Variants in TENM4 observed in about 807,000 individuals in gnomAD.
TENM4 encodes the protein teneurin transmembrane protein 4.
Under a neutral mutation model 243.3 loss-of-function variants are expected in TENM4, and 82 were observed. The ratio of observed to expected loss-of-function variants is 0.34; its 90% CI spans 0.28 to 0.40. The LOEUF (loss-of-function observed/expected upper bound fraction) is 0.40, where lower values mean the gene tolerates loss of function less well. Ranked by LOEUF, TENM4 falls within the 10% of genes least tolerant of loss-of-function variation. The probability of loss-of-function intolerance (pLI) is 1.00; values close to 1 mark genes in which losing one functional copy is unlikely to be tolerated. For missense variants in TENM4, 3,138 were observed against 3,673.3 expected (o/e 0.85, Z 3.77); for synonymous variants, 1,412 against 1,456.3 (o/e 0.97, Z 0.69).
chr11:78,966,468 T>G (rs1365493567), intron 6 of TENM4, among the ~76,000 whole-genome samples: 1 of 151,970 alleles, frequency 6.6e-6, no homozygotes, highest in Admixed American at 6.6e-5. Flanking sequence ...AAACACTCAG[T>G]GATTGGGCTA....
intron 4 of TENM4, among the ~76,000 whole-genome samples, chr11:79,103,543 A>T (rs1861285884): frequency 6.6e-6 from 1 of 152,164 alleles, no homozygotes; most frequent in South Asian, 2.1e-4. Flanking sequence ...TCACTCGCAT[A>T]CATTACTGCA....
intron 3 of TENM4, among the ~76,000 whole-genome samples, chr11:79,196,045 T>C (rs770137979): frequency 6.6e-6 from 1 of 152,142 alleles, no homozygotes; most frequent in Non-Finnish European, 1.5e-5. Flanking sequence ...GGGTTTCCAT[T>C]TTTGCTTCTT....
chr11:78,883,900 C>T (rs1054836437), intron 9 of TENM4, among the ~76,000 whole-genome samples: 7 of 152,246 alleles, frequency 4.6e-5, no homozygotes, highest in African/African-American at 7.2e-5. Context: ...GTTCTGTCAG[C>T]TGCCCTTGTG....
chr11:78,674,519 T>TG (rs1858415129), intron 30 of TENM4, among the ~76,000 whole-genome samples: 2 of 152,346 alleles, frequency 1.3e-5, no homozygotes, highest in South Asian at 4.1e-4. Context: ...CTAGGTGCGT[T>TG]GATTGTATCA....
intron 3 of TENM4, among the ~76,000 whole-genome samples, chr11:79,210,299 G>A (rs960063025): frequency 5.3e-5 from 8 of 152,120 alleles, no homozygotes; most frequent in Non-Finnish European, 7.3e-5. Context: ...CATCTTAATC[G>A]TCATGTCTTC....
At chr11:79,037,488 A>T (rs1268525565) in intron 6 of TENM4, among the ~76,000 whole-genome samples, 1 of 152,240 alleles carries the variant, frequency 6.6e-6, no homozygotes, top group African/African-American at 2.4e-5. Context: ...TTAGTGATCA[A>T]ATAATGAGAG....
chr11:78,912,657 C>A (rs550495194), intron 6 of TENM4, among the ~76,000 whole-genome samples: 2 of 152,210 alleles, frequency 1.3e-5, no homozygotes, highest in Non-Finnish European at 2.9e-5. Context: ...AGTGAATGTT[C>A]TCTAGGATAG....
At chr11:78,778,564 A>G in intron 17 of TENM4, 38 bp downstream of exon 17, 1 of 1,603,818 alleles carries the variant, frequency 6.2e-7, no homozygotes, top group Non-Finnish European at 8.5e-7. Flanking sequence ...AAACACACAC[A>G]CAAAGACAAC....
At chr11:78,937,119 C>G (rs1011887933) in intron 6 of TENM4, among the ~76,000 whole-genome samples, 2 of 152,042 alleles carry the variant, frequency 1.3e-5, no homozygotes, top group African/African-American at 4.8e-5. Context: ...TGTTAACAAA[C>G]CCACAGAAGA....
In TENM4 at chr11:78,829,165, G is replaced by A. The variant is rs542464043; in HGVS notation, c.1682-14770C>T. ...CTACTTGTCCACTGGGCTGGTGTGT[G>A]AGTGTGACCCACGTGTGGCCAGCAG... On this transcript the variant is annotated intron_variant, in intron 12 of 33. Transcript: ENST00000278550. 2.6e-5 allele frequency among the ~76,000 whole-genome samples: 4 copies of A among 152,242 alleles called. No individual in the cohort carries two copies. In the South Asian group the frequency reaches 6.2e-4, roughly 24 times the overall value.
At chr11:78,843,413 G>A in intron 12 of TENM4, among the ~76,000 whole-genome samples, 1 of 152,112 alleles carries the variant, frequency 6.6e-6, no homozygotes, top group East Asian at 1.9e-4. Flanking sequence ...CTTGAGTCCA[G>A]GAGTTCAAAG....
rs1223531465 is a variant in TENM4, at chr11:79,163,796, C to CAT, written c.-162-14991_-162-14990insAT. Reference sequence around the variant, plus strand: ...ACACACATACATATATATATACACACACATATATATACACATATATATACA... The same window carrying CAT: ...ACACACATACATATATATATACACACATACATATATATACACATATATATACA... On this transcript the variant is annotated intron_variant, in intron 3 of 33. Coordinates refer to ENST00000278550, the MANE Select transcript of TENM4 (RefSeq NM_001098816.3). Among the ~76,000 whole-genome samples the CAT allele has an allele frequency of 6.1e-3, 276 of 45,406 alleles. 1 individual carries two copies. Among genetic ancestry groups the CAT allele is most frequent in the African/African-American group, 0.026 (270 of 10,206 alleles). The allele number at this position is 45,406 out of a possible 152,430, so 29.8% of individuals were successfully genotyped here. A position where few individuals can be genotyped will look rare whatever the true frequency, so the allele number is the denominator to read the frequency against.
chr11:78,863,064 C>T lies in TENM4; in HGVS notation c.1153G>A (p.Asp385Asn), dbSNP rs1274761099. Residue 385 changes from aspartate to asparagine, a missense_variant, in exon 10 of 34, where the codon GAC (aspartate) becomes AAC (asparagine). Asp to Asn is a conservative substitution (Grantham distance 23). This residue lies in a region of TENM4 where 671 missense variants were observed against 614.1 expected (regional missense o/e 1.09). Coordinates refer to ENST00000278550, the MANE Select transcript of TENM4 (RefSeq NM_001098816.3). ...GGCACAGGCCAACTGCTGGCTGTGT[C>T]CTCCGTGATCTCATACATCTGCCCC... ...MEGQMYEITE[D>N]TASSWPVPTD... is the part of the protein sequence containing the mutation. The T allele has an allele frequency of 6.5e-7, 1 of 1,536,692 alleles. No homozygotes were observed. The highest frequency in any genetic ancestry group is 2.5e-5 in the East Asian group (1 of 40,650).
chr11:79,173,426 T>TA (rs1863091223), intron 3 of TENM4, among the ~76,000 whole-genome samples: 1 of 152,128 alleles, frequency 6.6e-6, no homozygotes, highest in South Asian at 2.1e-4. Context: ...AACTTTTTTT[T>TA]ATGTTCCTCC....
intron 6 of TENM4, among the ~76,000 whole-genome samples, chr11:78,915,710 G>T (rs1389196890): frequency 6.6e-6 from 1 of 152,174 alleles, no homozygotes; most frequent in Non-Finnish European, 1.5e-5. Context: ...GAAACTGATG[G>T]CCAGCATCAA....
chr11:78,877,188 T>C (rs1039288748), intron 9 of TENM4, among the ~76,000 whole-genome samples: 1 of 151,632 alleles, frequency 6.6e-6, no homozygotes, highest in Admixed American at 6.6e-5. Context: ...GTTTTACTGA[T>C]AGGAAGAAGC....
intron 1 of TENM4, among the ~76,000 whole-genome samples, chr11:79,409,933 T>A (rs1858663210): frequency 6.6e-6 from 1 of 152,120 alleles, no homozygotes; most frequent in African/African-American, 2.4e-5. Flanking sequence ...AATCATTAAA[T>A]TACCCTCTGT....
chr11:78,928,330 C>T (rs918616427), intron 6 of TENM4, among the ~76,000 whole-genome samples: 1 of 152,176 alleles, frequency 6.6e-6, no homozygotes, highest in Non-Finnish European at 1.5e-5. Context: ...GCAAAAAATA[C>T]ACCGCCACCC....
chr11:78,911,952 A>G (rs935054040), intron 6 of TENM4, among the ~76,000 whole-genome samples: 1 of 152,184 alleles, frequency 6.6e-6, no homozygotes, highest in Non-Finnish European at 1.5e-5. Flanking sequence ...GGATACAACA[A>G]TTTACACATA....
Sources: allele counts gnomAD v4.1 joint callset (sites outside exome capture counted in the v4.1 genomes callset), GRCh38; gene constraint gnomAD v4.1.1; regional missense constraint gnomAD v4.1.1; transcripts MANE v1.5; gene names NCBI Gene and HGNC (gene_info 2026-07-23, HGNC 2026-07-21).